CFAP46: variants seen among roughly 807,000 people sequenced by gnomAD.
CFAP46 encodes cilia and flagella associated protein 46, also known as cilia- and flagella-associated protein 46.
In CFAP46, 245 loss-of-function variants were observed where a neutral mutation model predicts 325.7. The observed-to-expected ratio is 0.75, with a 90% CI of 0.68 to 0.84. The LOEUF (loss-of-function observed/expected upper bound fraction) is 0.84, where lower values mean the gene tolerates loss of function less well. Ranked by LOEUF, CFAP46 falls within the 40% of genes least tolerant of loss-of-function variation. CFAP46 has a pLI of 0.00. For missense variants in CFAP46, 3,346 were observed against 3,543.0 expected (o/e 0.94, Z 1.41); for synonymous variants, 1,523 against 1,495.9 (o/e 1.02, Z -0.42).
At chr10:132,942,383 T>G (rs1850120745) in intron 1 of CFAP46, 53 bp downstream of exon 1, 3 of 1,347,960 alleles carry the variant, frequency 2.2e-6, no homozygotes, top group Non-Finnish European at 9.5e-7. Flanking sequence ...GCGGGGGTCG[T>G]GGCGGGTCCC....
chr10:132,837,124 C>T (rs371419665), intron 44 of CFAP46: 5 of 495,538 alleles, frequency 1.0e-5, no homozygotes, highest in South Asian at 3.1e-5. Context: ...CAAGAGTCAC[C>T]GGCGGCCCCA....
intron 39 of CFAP46, among the ~76,000 whole-genome samples, chr10:132,855,451 T>C (rs1420719556): frequency 1.3e-5 from 2 of 152,160 alleles, no homozygotes; most frequent in Non-Finnish European, 2.9e-5. Context: ...TAGCCCATAG[T>C]TGGGTTTTGC....
At chr10:132,908,361 T>G in intron 22 of CFAP46, 107 bp downstream of exon 22, 2 of 1,362,764 alleles carry the variant, frequency 1.5e-6, no homozygotes, top group Non-Finnish European at 2.0e-6. Context: ...CTGCCCGTTT[T>G]GGGGAACTGG....
At chr10:132,823,937 GC>G (rs1847961963) in intron 50 of CFAP46, among the ~76,000 whole-genome samples, 1 of 144,460 alleles carries the variant, frequency 6.9e-6, no homozygotes, top group East Asian at 2.2e-4. Flanking sequence ...GCTGATGTGT[GC>G]TGTGTGTGCA....
chr10:132,822,249 C>CTGTGT (rs1847869237), intron 50 of CFAP46, among the ~76,000 whole-genome samples: 1 of 85,900 alleles, frequency 1.2e-5, no homozygotes, highest in African/African-American at 5.1e-5. Flanking sequence ...GCTGTGTGTG[C>CTGTGT]GCTGATGTGT....
rs1264390639 is a variant in CFAP46 at position 132,939,308 on chromosome 10, T to C, written c.372-555A>G. On this transcript the variant is annotated intron_variant, in intron 4 of 57. Coordinates refer to ENST00000368586, the MANE Select transcript of CFAP46 (RefSeq NM_001200049.3). The surrounding 1 kb of genome is among the most constrained non-coding windows in gnomAD (Gnocchi z 4.6). ...GAAACAAAGTTCCCGTCTGCCAGCA[T>C]AGAGTGTGAAGTGGAGGAGGGTGGG... Among the ~76,000 whole-genome samples the C allele has an allele frequency of 6.6e-6, 1 of 152,172 alleles. No individual in the cohort carries two copies. The highest frequency in any genetic ancestry group is 1.5e-5 in the Non-Finnish European group (1 of 68,022).
intron 50 of CFAP46, among the ~76,000 whole-genome samples, chr10:132,820,440 G>A (rs773129016): frequency 5.9e-5 from 9 of 152,224 alleles, no homozygotes; most frequent in Non-Finnish European, 4.4e-5. Context: ...GGTACACAGC[G>A]CTGATGTGTG....
At chr10:132,820,717 GATGTGTGC>G (rs1847783628) in intron 50 of CFAP46, among the ~76,000 whole-genome samples, 1 of 119,204 alleles carries the variant, frequency 8.4e-6, no homozygotes, top group Non-Finnish European at 1.9e-5. Context: ...TGTGTGCGCT[GATGTGTGC>G]TGTGTGTGCA....
chr10:132,922,901 A>G (rs1849749443), intron 11 of CFAP46, among the ~76,000 whole-genome samples, 193 bp from the exon 12 acceptor site: 1 of 152,188 alleles, frequency 6.6e-6, no homozygotes. Context: ...GGGGACAAGG[A>G]GAGAAGCCCC....
intron 9 of CFAP46, 165 bp downstream of exon 9, chr10:132,929,540 T>G (rs1849859630): frequency 5.0e-6 from 4 of 796,196 alleles, no homozygotes; most frequent in Non-Finnish European, 9.3e-6. Flanking sequence ...ACCATCTAAC[T>G]GCAACTGTGC....
chr10:132,808,922 G>A lies in CFAP46; in HGVS notation c.7665-18C>T. 1.9e-6 allele frequency: 3 copies of A among 1,557,710 alleles called. No individual in the cohort carries two copies. Among genetic ancestry groups the A allele is most frequent in the Non-Finnish European group, 2.6e-6 (3 of 1,147,148 alleles). The stretch of plus-strand genomic sequence containing the variant: ...AGCCTCGTCTGTGGAGAAAGGGGCG[G>A]GAGCTATGAACCCCGAGGCCCCGCA... On this transcript the variant is annotated intron_variant, in intron 57 of 57. Transcript: ENST00000368586. This position sits in a 1 kb window ranked among gnomAD's most constrained non-coding sequence, Gnocchi z 6.8.
At chr10:132,912,050 C>A (rs1392333035) in intron 19 of CFAP46, among the ~76,000 whole-genome samples, 1 of 152,102 alleles carries the variant, frequency 6.6e-6, no homozygotes, top group Non-Finnish European at 1.5e-5. Context: ...AGAAGCTCAG[C>A]CCCAGCCTCC....
chr10:132,910,528 G>A (rs573139271), intron 19 of CFAP46, among the ~76,000 whole-genome samples: 17 of 152,380 alleles, frequency 1.1e-4, no homozygotes, highest in South Asian at 6.2e-4. Context: ...CTTGCTGGCC[G>A]TGTGACCAGG....
intron 35 of CFAP46, among the ~76,000 whole-genome samples, chr10:132,864,404 AG>A (rs1354557647): frequency 4.2e-5 from 3 of 70,836 alleles, no homozygotes; most frequent in Admixed American, 1.6e-4. Flanking sequence ...ACCTGTCCCC[AG>A]TGCCTGAGAC....
At chr10:132,910,953 A>G (rs1372548279) in intron 19 of CFAP46, among the ~76,000 whole-genome samples, 5 of 151,548 alleles carry the variant, frequency 3.3e-5, no homozygotes, top group Middle Eastern at 3.4e-3. Flanking sequence ...GCTTCCTCAC[A>G]CTCTCCGCCA....
At chr10:132,893,604 T>C (rs556232039) in intron 24 of CFAP46, among the ~76,000 whole-genome samples, 232 of 152,336 alleles carry the variant, frequency 1.5e-3, no homozygotes, top group Non-Finnish European at 2.7e-3. Flanking sequence ...GCCTCATCTT[T>C]TGTGGCAATG....
intron 20 of CFAP46, 90 bp from the exon 21 acceptor site, chr10:132,909,334 T>C: frequency 1.1e-6 from 1 of 920,732 alleles, no homozygotes; most frequent in Non-Finnish European, 1.7e-6. Context: ...GGTATTAGTT[T>C]TATGGCAATA....
Position 132,817,905 on chromosome 10 carries a change from G to A in CFAP46, c.7118-2991C>T, listed in dbSNP as rs1288455549. ...CGCGCTCTGCCTGGAGGCTCCCGGGGAGAATCCTCTCCTGGCTCCTGGCCA... is the reference window on the plus strand; with the variant it reads ...CGCGCTCTGCCTGGAGGCTCCCGGGAAGAATCCTCTCCTGGCTCCTGGCCA... On this transcript the variant is annotated intron_variant, in intron 50 of 57. Coordinates refer to ENST00000368586, the MANE Select transcript of CFAP46 (RefSeq NM_001200049.3). The surrounding 1 kb of genome is among the most constrained non-coding windows in gnomAD (Gnocchi z 4.4). Among the ~76,000 whole-genome samples the A allele has an allele frequency of 6.6e-6, 1 of 152,208 alleles. No individual in the cohort carries two copies. Among genetic ancestry groups the A allele is most frequent in the Non-Finnish European group, 1.5e-5 (1 of 68,034 alleles).
intron 8 of CFAP46, among the ~76,000 whole-genome samples, chr10:132,933,756 C>T (rs1195734381): frequency 3.3e-5 from 5 of 152,250 alleles, no homozygotes; most frequent in Non-Finnish European, 7.3e-5. Flanking sequence ...TGGCGCCCCT[C>T]GCTAGCACTG....
Sources: gnomAD v4.1 joint callset for allele counts (sites outside exome capture counted in the v4.1 genomes callset) on GRCh38, gnomAD v4.1.1 for gene constraint, Gnocchi (gnomAD v3.1) non-coding constraint, MANE v1.5 for transcripts, NCBI Gene and HGNC (gene_info 2026-07-23, HGNC 2026-07-21) for gene names.